UTP25: variants seen among roughly 807,000 people sequenced by gnomAD.
UTP25 encodes the protein UTP25 small subunit processome component.
A neutral mutation model predicts 78.9 loss-of-function variants in UTP25; 50 were observed. That is an observed-to-expected ratio of 0.63 (90% CI 0.50 to 0.80). UTP25 has a LOEUF of 0.80. Among genes scored for constraint, UTP25 ranks in the 30% least tolerant of loss-of-function variants. The probability of loss-of-function intolerance (pLI) is 0.00; values close to 1 mark genes in which losing one functional copy is unlikely to be tolerated. For synonymous variants in UTP25, 329 were observed against 336.5 expected (o/e 0.98, Z 0.24); for missense variants, 846 against 911.3 (o/e 0.93, Z 0.92).
chr1:209,835,816 T>C (rs1294062047), intron 5 of UTP25, among the ~76,000 whole-genome samples: 7 of 152,272 alleles, frequency 4.6e-5, no homozygotes, highest in Non-Finnish European at 1.0e-4. Context: ...CTTGTAGAAC[T>C]GTAGTATAAT....
At chr1:209,836,766 T>G in intron 5 of UTP25, 35 bp from the exon 6 acceptor site, 1 of 1,548,924 alleles carries the variant, frequency 6.5e-7, no homozygotes, top group Non-Finnish European at 8.7e-7. Context: ...CTGTTATTCA[T>G]TTCTAATTTG....
chr1:209,831,992 A>ATTT (rs35262345), intron 3 of UTP25, among the ~76,000 whole-genome samples: 1 of 148,324 alleles, frequency 6.7e-6, no homozygotes, highest in Admixed American at 6.7e-5. Context: ...TTATAGCCTT[A>ATTT]TTTTTTTTTT....
intron 3 of UTP25, among the ~76,000 whole-genome samples, chr1:209,832,511 A>G (rs1054785059): frequency 6.6e-6 from 1 of 152,172 alleles, no homozygotes; most frequent in Non-Finnish European, 1.5e-5. Context: ...ATGTCTGGTT[A>G]CTATTTTAGA....
At chr1:209,849,849 A>G (rs2078220954) in intron 11 of UTP25, among the ~76,000 whole-genome samples, 1 of 152,230 alleles carries the variant, frequency 6.6e-6, no homozygotes, top group African/African-American at 2.4e-5. Flanking sequence ...CCTAAGGTGC[A>G]GTAGTTCCTG....
chr1:209,830,125 C>A lies in UTP25; in HGVS notation c.125C>A (p.Ala42Glu), dbSNP rs780994058. ...PFYDRVSRKE[A>E]KPQICQLSES... is the part of the protein sequence containing the mutation. ...CTTTTTAGGGTTTCCAGAAAGGAAGCAAAGCCACAGATTTGTCAACTGGTA... is the reference window on the plus strand; with the variant it reads ...CTTTTTAGGGTTTCCAGAAAGGAAGAAAAGCCACAGATTTGTCAACTGGTA... The change falls in exon 2 of 12, where the codon GCA becomes GAA. Residue 42 changes from alanine (A) to glutamate (E), a missense_variant. By Grantham distance (107) the Ala-to-Glu change is moderately radical. Transcript: ENST00000491415. 1.3e-5 allele frequency: 21 copies of A among 1,611,810 alleles called. No homozygotes were observed. In the South Asian group the frequency reaches 2.3e-4, roughly 18 times the overall value.
chr1:209,845,993 A>T (rs1313803464), intron 11 of UTP25, among the ~76,000 whole-genome samples: 1 of 151,364 alleles, frequency 6.6e-6, no homozygotes, highest in African/African-American at 2.4e-5. Flanking sequence ...AGTAGCTGGG[A>T]TTACAGAATT....
In UTP25 at chr1:209,828,024, A is replaced by C. The variant is rs1571997301; in HGVS notation, c.-40A>C. ...TGACTGGACAACTTCCTGGTGGAAA[A>C]CCGCGACTCTTGCAAGTGGGCAAAC... On this transcript the variant is annotated 5_prime_UTR_variant, in exon 1 of 12. Transcript: ENST00000491415. The C allele has an allele frequency of 6.5e-7, 1 of 1,542,240 alleles. No homozygotes were observed. Among genetic ancestry groups the C allele is most frequent in the South Asian group, 1.1e-5 (1 of 89,550 alleles).
rs928277561 is a variant in UTP25, at chr1:209,854,038, A to G, written c.*2591A>G. ...GTGGAGTCTCTGCAATGGTTTTATTAAAAGGATGCCTTGAAGATCTGGTCT... is the reference window on the plus strand; with the variant it reads ...GTGGAGTCTCTGCAATGGTTTTATTGAAAGGATGCCTTGAAGATCTGGTCT... On this transcript the variant is annotated 3_prime_UTR_variant, in exon 12 of 12. Coordinates refer to ENST00000491415, the MANE Select transcript of UTP25 (RefSeq NM_014388.7). The G allele has an allele frequency of 6.6e-6, 1 of 152,178 alleles. No homozygotes were observed. The highest frequency in any genetic ancestry group is 2.4e-5 in the African/African-American group (1 of 41,434). The allele number at this position is 152,178 out of a possible 1,614,324, so 9.4% of individuals were successfully genotyped here.
chr1:209,851,249 G>A lies in UTP25; in HGVS notation c.2073G>A (p.Pro691=), dbSNP rs751811380. Reference sequence around the variant, plus strand: ...GGAACCTGATTTTCTATGAACTGCCGACATATCCACACTTTTACAGTGAAA... The same window carrying A: ...GGAACCTGATTTTCTATGAACTGCCAACATATCCACACTTTTACAGTGAAA... ...GIRNLIFYEL[P]TYPHFYSEIC... Residue 691 remains proline (P), a synonymous_variant, in exon 12 of 12, where the codon CCG becomes CCA. Coordinates refer to ENST00000491415, the MANE Select transcript of UTP25 (RefSeq NM_014388.7). The A allele has an allele frequency of 5.0e-6, 8 of 1,614,050 alleles. No homozygotes were observed. The Admixed American group carries it at 5.0e-5, about 10-fold the overall frequency.
At position 209,833,351 on chromosome 1, in the gene UTP25, C is replaced by A; in HGVS notation, c.555C>A (p.Ala185=). ...EESGDNSSLK[A]SQDPFLQHVN... is the part of the protein sequence containing the mutation. ...GTGGAGACAACTCTTCTTTGAAAGC[C>A]TCTCAAGGTCATAGCACAGTGTGTG... The change falls in exon 4 of 12, where the codon GCC becomes GCA. Residue 185 remains alanine (A), a synonymous_variant. Transcript: ENST00000491415. 1 of 1,569,498 alleles carries A rather than the reference C, an allele frequency of 6.4e-7. No homozygotes were observed. Among genetic ancestry groups the A allele is most frequent in the South Asian group, 1.2e-5 (1 of 82,808 alleles).
At chr1:209,843,756 G>A in intron 11 of UTP25, 60 bp downstream of exon 11, 1 of 1,567,642 alleles carries the variant, frequency 6.4e-7, no homozygotes, top group Middle Eastern at 1.8e-4. Flanking sequence ...ACAAATCATG[G>A]CCTGCTCTGA....
intron 11 of UTP25, 33 bp from the exon 12 acceptor site, chr1:209,851,171 G>A (rs758685479): frequency 4.4e-6 from 7 of 1,589,402 alleles, no homozygotes; most frequent in Non-Finnish European, 4.3e-6. Flanking sequence ...TGTTTCTCAA[G>A]TTGACATAGC....
intron 11 of UTP25, among the ~76,000 whole-genome samples, chr1:209,846,147 G>A (rs914235078): frequency 4.6e-5 from 7 of 152,064 alleles, no homozygotes; most frequent in African/African-American, 9.7e-5. Context: ...ATGAGCCACC[G>A]TGCCCGGCCA....
rs2078077539 is a variant in UTP25 at position 209,827,993 on chromosome 1, T to C, written c.-71T>C. Reference sequence around the variant, plus strand: ...AAGCGCAGTCAGCGAGCCCACGTGCTTGTGTTGACTGGACAACTTCCTGGT... The same window carrying C: ...AAGCGCAGTCAGCGAGCCCACGTGCCTGTGTTGACTGGACAACTTCCTGGT... On this transcript the variant is annotated 5_prime_UTR_variant, in exon 1 of 12. Transcript: ENST00000491415. 8.2e-7 allele frequency: 1 copy of C among 1,216,496 alleles called. No homozygotes were observed. Among genetic ancestry groups the C allele is most frequent in the Admixed American group, 1.7e-5 (1 of 59,488 alleles). The allele number at this position is 1,216,496 out of a possible 1,614,324, so 75.4% of individuals were successfully genotyped here. A position where few individuals can be genotyped will look rare whatever the true frequency, so the allele number is the denominator to read the frequency against.
rs747964444 is a variant in UTP25, at chr1:209,836,788, G to T, written c.652-13G>T. On this transcript the variant is annotated splice_polypyrimidine_tract_variant and intron_variant, in intron 5 of 11. Transcript: ENST00000491415. ...TCATTTCTAATTTGGCTCTTGATCT[G>T]TTTCTCCCCTAGTGGCCTATTCTGG... The T allele has an allele frequency of 1.3e-6, 2 of 1,575,360 alleles. No individual in the cohort carries two copies. Among genetic ancestry groups the T allele is most frequent in the Non-Finnish European group, 8.6e-7 (1 of 1,164,042 alleles).
At chr1:209,833,415 T>C in intron 4 of UTP25, 57 bp downstream of exon 4, 1 of 1,406,204 alleles carries the variant, frequency 7.1e-7, no homozygotes. Context: ...GGAATTTGTG[T>C]ACTAATACAC....
rs2078136487 is a variant in UTP25 at position 209,836,963 on chromosome 1, A to G, written c.814A>G (p.Ser272Gly). ...SQFLSGPQKS[S>G]SPFTPLQKEL... Reference sequence around the variant, plus strand: ...GTTCCTATCTGGTCCCCAAAAATCAAGCAGCCCATTCACCCCCCTCCAGAA... The same window carrying G: ...GTTCCTATCTGGTCCCCAAAAATCAGGCAGCCCATTCACCCCCCTCCAGAA... Residue 272 changes from serine to glycine, a missense_variant, in exon 6 of 12, where the codon AGC (serine) becomes GGC (glycine). Physicochemically the swap from Ser to Gly is moderately conservative, Grantham distance 56. Transcript: ENST00000491415. 1 of 1,614,026 alleles carries G rather than the reference A, an allele frequency of 6.2e-7. No individual in the cohort carries two copies.
intron 7 of UTP25, 97 bp downstream of exon 7, chr1:209,839,225 A>G (rs1256618069): frequency 2.3e-5 from 26 of 1,138,834 alleles, no homozygotes; most frequent in Non-Finnish European, 7.5e-6. Context: ...TGGATCACTC[A>G]CTGTGCCTCT....
At chr1:209,838,777 AC>A in intron 6 of UTP25, 131 bp from the exon 7 acceptor site, 1 of 983,526 alleles carries the variant, frequency 1.0e-6, no homozygotes, top group Admixed American at 1.8e-5. Flanking sequence ...AAAGCGGGTA[AC>A]ATAGGTATGT....
Sources: allele counts gnomAD v4.1 joint callset (sites outside exome capture counted in the v4.1 genomes callset), GRCh38; gene constraint gnomAD v4.1.1; transcripts MANE v1.5; gene names NCBI Gene and HGNC (gene_info 2026-07-23, HGNC 2026-07-21).